SFI1: variants seen among roughly 807,000 people sequenced by gnomAD.
The protein encoded by SFI1 is protein SFI1 homolog.
A neutral mutation model predicts 207.5 loss-of-function variants in SFI1; 195 were observed. That is an observed-to-expected ratio of 0.94 (90% CI 0.84 to 1.06). The LOEUF is 1.06. Ranked by LOEUF, SFI1 falls within the 50% of genes least tolerant of loss-of-function variation. The pLI is 0.00. For synonymous variants in SFI1, 630 were observed against 598.9 expected (o/e 1.05, Z -0.76); for missense variants, 1,634 against 1,588.0 (o/e 1.03, Z -0.49).
intron 14 of SFI1, among the ~76,000 whole-genome samples, chr22:31,586,320 T>C (rs542291174): frequency 2.6e-5 from 4 of 152,360 alleles, no homozygotes; most frequent in South Asian, 4.1e-4. Flanking sequence ...CACTGGCTTC[T>C]CTTTCCCCAC....
chr22:31,610,844 T>C (rs1328408238), intron 22 of SFI1, among the ~76,000 whole-genome samples: 1 of 152,178 alleles, frequency 6.6e-6, no homozygotes, highest in African/African-American at 2.4e-5. Context: ...ACGTGACTCT[T>C]AGGGTGCCCC....
At chr22:31,534,553 C>T (rs2058798096) in intron 4 of SFI1, among the ~76,000 whole-genome samples, 1 of 152,060 alleles carries the variant, frequency 6.6e-6, no homozygotes, top group Non-Finnish European at 1.5e-5. Context: ...TTGTCTAATT[C>T]CATCTTCACC....
At chr22:31,507,693 A>G (rs1417599984) in intron 1 of SFI1, among the ~76,000 whole-genome samples, 1 of 152,164 alleles carries the variant, frequency 6.6e-6, no homozygotes, top group Non-Finnish European at 1.5e-5. Flanking sequence ...AACAACATGA[A>G]CAGACACTTT....
intron 8 of SFI1, among the ~76,000 whole-genome samples, chr22:31,565,968 C>T (rs1472922437): frequency 1.3e-5 from 2 of 151,892 alleles, no homozygotes; most frequent in Admixed American, 1.3e-4. Flanking sequence ...CATGCCTGGC[C>T]CTATCTATGT....
At chr22:31,509,563 G>C (rs1010090517) in intron 2 of SFI1, among the ~76,000 whole-genome samples, 1 of 152,160 alleles carries the variant, frequency 6.6e-6, no homozygotes, top group African/African-American at 2.4e-5. Flanking sequence ...GCTGGCAGCC[G>C]TTGGATGGTG....
Position 31,546,874 on chromosome 22 carries a change from C to A in SFI1, c.352C>A (p.Gln118Lys). 1 of 1,603,808 alleles carries A rather than the reference C, an allele frequency of 6.2e-7. No individual in the cohort carries two copies. Among genetic ancestry groups the A allele is most frequent in the South Asian group, 1.1e-5 (1 of 88,756 alleles). ...TTTTTGCCGTAGATTTTACTATGAGCAGCGATTACTACGGAAGGTCTTCGA... is the reference window on the plus strand; with the variant it reads ...TTTTTGCCGTAGATTTTACTATGAGAAGCGATTACTACGGAAGGTCTTCGA... ...FPSKARFYYE[Q>K]RLLRKVFEEW... The change falls in exon 5 of 33, where the codon CAG (glutamine) becomes AAG (lysine). Residue 118 changes from glutamine (Q) to lysine (K), a missense_variant. Physicochemically the swap from Gln to Lys is moderately conservative, Grantham distance 53 (BLOSUM62 1). Transcript: ENST00000400288.
intron 28 of SFI1, 46 bp from the exon 29 acceptor site, chr22:31,615,002 G>T (rs1186583278): frequency 1.3e-6 from 2 of 1,594,974 alleles, no homozygotes; most frequent in Non-Finnish European, 1.7e-6. Flanking sequence ...TGGTCCCAGA[G>T]GAGGGTCCTG....
At chr22:31,591,461 C>G (rs936303692) in intron 15 of SFI1, among the ~76,000 whole-genome samples, 5 of 152,112 alleles carry the variant, frequency 3.3e-5, no homozygotes, top group Non-Finnish European at 7.4e-5. Flanking sequence ...TCATCCTGGC[C>G]CGTTCTCAAT....
chr22:31,532,402 C>G (rs1004392644), intron 4 of SFI1, among the ~76,000 whole-genome samples: 1 of 152,140 alleles, frequency 6.6e-6, no homozygotes, highest in African/African-American at 2.4e-5. Flanking sequence ...TCAGGGACAC[C>G]ATACAGAAGG....
chr22:31,591,350 G>A (rs888775601), intron 15 of SFI1, among the ~76,000 whole-genome samples: 1 of 152,180 alleles, frequency 6.6e-6, no homozygotes, highest in Non-Finnish European at 1.5e-5. Flanking sequence ...AAAATGAAAA[G>A]TCTCCCATGT....
chr22:31,612,762 T>C (rs1166508817), intron 24 of SFI1: 1 of 188,504 alleles, frequency 5.3e-6, no homozygotes, highest in Non-Finnish European at 1.1e-5. Flanking sequence ...TAACATGAAA[T>C]GTGTTTTAAG....
chr22:31,497,294 A>G (rs1390757421), intron 1 of SFI1: 1 of 152,214 alleles, frequency 6.6e-6, no homozygotes, highest in Non-Finnish European at 1.5e-5. Flanking sequence ...GCAGCCCTGC[A>G]CCGAGCAACT....
At chr22:31,581,479 C>T (rs1030525933) in intron 12 of SFI1, among the ~76,000 whole-genome samples, 3 of 151,910 alleles carry the variant, frequency 2.0e-5, no homozygotes, top group African/African-American at 4.8e-5. Context: ...TTAGTAGAGA[C>T]GGGTTTTTCC....
intron 15 of SFI1, among the ~76,000 whole-genome samples, chr22:31,591,493 A>G (rs1487000890): frequency 6.6e-6 from 1 of 151,348 alleles, no homozygotes; most frequent in Admixed American, 6.6e-5. Context: ...CACACCTCCC[A>G]GACGGGGTGG....
intron 2 of SFI1, among the ~76,000 whole-genome samples, chr22:31,527,378 A>T (rs1347962595): frequency 1.3e-5 from 2 of 152,206 alleles, no homozygotes; most frequent in Non-Finnish European, 2.9e-5. Flanking sequence ...AAAAAGGGGT[A>T]TGTGGGAACA....
chr22:31,543,567 T>C (rs1369487190), intron 4 of SFI1, among the ~76,000 whole-genome samples: 2 of 152,234 alleles, frequency 1.3e-5, no homozygotes, highest in Middle Eastern at 3.4e-3. Context: ...CCCAGCACTT[T>C]GGGAGGCTGA....
At chr22:31,541,515 G>A (rs2059486439) in intron 4 of SFI1, among the ~76,000 whole-genome samples, 1 of 152,100 alleles carries the variant, frequency 6.6e-6, no homozygotes, top group Admixed American at 6.6e-5. Context: ...CCAGCACTTT[G>A]GGAGGCCGTG....
rs1349363566 is a variant in SFI1 at position 31,514,156 on chromosome 22, AAAAAAAAT to A, written c.92+5781_92+5788del. On this transcript the variant is annotated intron_variant, in intron 2 of 32. Coordinates refer to ENST00000400288, the MANE Select transcript of SFI1 (RefSeq NM_001007467.3). ...ACTCCATCTCAAAAAAAAAAAAAAA[AAAAAAAAT>A]GTAGTACTGAATTGTTAGCTATAGT... is the stretch of plus-strand genomic sequence containing the variant. Among the ~76,000 whole-genome samples, 11 of 150,320 alleles carry A rather than the reference AAAAAAAAT, an allele frequency of 7.3e-5. No homozygotes were observed. The South Asian group carries it at 2.3e-3, about 32-fold the overall frequency.
At chr22:31,529,167 C>A in intron 3 of SFI1, 1 of 272,458 alleles carries the variant, frequency 3.7e-6, no homozygotes, top group Non-Finnish European at 6.9e-6. Flanking sequence ...CTTTTTTTCC[C>A]CCCAGATTTT....
Sources: allele counts gnomAD v4.1 joint callset (sites outside exome capture counted in the v4.1 genomes callset), GRCh38; gene constraint gnomAD v4.1.1; transcripts MANE v1.5; gene names NCBI Gene and HGNC (gene_info 2026-07-23, HGNC 2026-07-21).